RNF6: variants seen among roughly 807,000 people sequenced by gnomAD.
RNF6 encodes ring finger protein 6.
Under a neutral mutation model 50.1 loss-of-function variants are expected in RNF6, and 21 were observed. The ratio of observed to expected loss-of-function variants is 0.42; its 90% CI spans 0.30 to 0.60. The LOEUF is 0.60. Ranked by LOEUF, RNF6 falls within the 20% of genes least tolerant of loss-of-function variation. The pLI is 0.20. For missense variants in RNF6, 698 were observed against 838.2 expected, an observed-to-expected ratio of 0.83 and a Z score of 2.07; for synonymous variants, 255 against 291.8, an observed-to-expected ratio of 0.87 and a Z score of 1.29.
intron 5 of RNF6, among the ~76,000 whole-genome samples, chr13:26,169,603 T>G (rs1427592615): frequency 1.3e-5 from 2 of 152,224 alleles, no homozygotes; most frequent in African/African-American, 4.8e-5. Context: ...CTTAAGAGTC[T>G]CTTGCCGGCC....
chr13:26,219,320 G>A, intron 3 of RNF6, 137 bp downstream of exon 3: 1 of 723,248 alleles, frequency 1.4e-6, no homozygotes, highest in Non-Finnish European at 2.1e-6. Flanking sequence ...ATACTAAAAA[G>A]TTCTTAAACT....
At chr13:26,157,429 C>T (rs1871986141) in intron 5 of RNF6, among the ~76,000 whole-genome samples, 1 of 151,744 alleles carries the variant, frequency 6.6e-6, no homozygotes, top group African/African-American at 2.4e-5. Flanking sequence ...TAGAAAAGTT[C>T]TGTTAAGAAA....
At chr13:26,182,632 G>C (rs1157348263) in intron 5 of RNF6, among the ~76,000 whole-genome samples, 1 of 152,076 alleles carries the variant, frequency 6.6e-6, no homozygotes, top group African/African-American at 2.4e-5. Context: ...GAGCAACAGA[G>C]AGAAACCACA....
At chr13:26,137,267 G>T (rs1257011203) in intron 5 of RNF6, among the ~76,000 whole-genome samples, 1 of 152,012 alleles carries the variant, frequency 6.6e-6, no homozygotes, top group East Asian at 1.9e-4. Flanking sequence ...CTGAGGTGAT[G>T]GATAGCAATT....
At chr13:26,178,579 G>A (rs1198516964) in intron 5 of RNF6, among the ~76,000 whole-genome samples, 1 of 145,288 alleles carries the variant, frequency 6.9e-6, no homozygotes, top group Admixed American at 7.0e-5. Flanking sequence ...CGGACCAGGT[G>A]TCTGCCTGGT....
chr13:26,216,764 C>T (rs1394119203), intron 4 of RNF6, among the ~76,000 whole-genome samples: 1 of 152,140 alleles, frequency 6.6e-6, no homozygotes, highest in Non-Finnish European at 1.5e-5. Flanking sequence ...ACCAGCCTGA[C>T]TGACATGGTA....
In RNF6 at chr13:26,173,442, A is replaced by T. The variant is rs113390269; in HGVS notation, n.769-40991T>A. Among the ~76,000 whole-genome samples the T allele has an allele frequency of 6.8e-3, 1,040 of 152,310 alleles. 5 individuals are homozygous for T. Among genetic ancestry groups the T allele is most frequent in the African/African-American group, 0.024 (992 of 41,556 alleles). ...ACAGATCAATAGATCTCAAAAACCT[A>T]AGAGTGATGTGAAAATGATAGACAT... On this transcript the variant is annotated intron_variant and non_coding_transcript_variant, in intron 5 of 5. Transcript: ENST00000468480.
At chr13:26,149,456 A>G (rs1290540678) in intron 5 of RNF6, among the ~76,000 whole-genome samples, 1 of 151,970 alleles carries the variant, frequency 6.6e-6, no homozygotes, top group East Asian at 1.9e-4. Context: ...GCGTGGTGGC[A>G]GGCGCCTGTA....
intron 5 of RNF6, among the ~76,000 whole-genome samples, chr13:26,174,941 CTTTA>C (rs1269369966): frequency 6.6e-6 from 1 of 152,152 alleles, no homozygotes; most frequent in Non-Finnish European, 1.5e-5. Context: ...TTAATCACCT[CTTTA>C]AAGGCCCTAT....
At chr13:26,159,950 A>G (rs1417245132) in intron 5 of RNF6, among the ~76,000 whole-genome samples, 1 of 152,192 alleles carries the variant, frequency 6.6e-6, no homozygotes, top group Non-Finnish European at 1.5e-5. Context: ...TCAATTCCTT[A>G]TATTTTTAGA....
intron 5 of RNF6, among the ~76,000 whole-genome samples, chr13:26,136,602 G>T (rs1017502924): frequency 2.6e-5 from 4 of 152,196 alleles, no homozygotes; most frequent in Admixed American, 1.3e-4. Context: ...ATCGTTCACG[G>T]AAGTTTATTG....
At chr13:26,194,690 C>T (rs964553959) in intron 5 of RNF6, among the ~76,000 whole-genome samples, 7 of 152,176 alleles carry the variant, frequency 4.6e-5, no homozygotes, top group Middle Eastern at 3.4e-3. Context: ...ATCACAAGGT[C>T]CCACAATAAT....
chr13:26,217,325 T>G (rs568551361), intron 4 of RNF6, among the ~76,000 whole-genome samples: 1 of 152,362 alleles, frequency 6.6e-6, no homozygotes, highest in African/African-American at 2.4e-5. Flanking sequence ...ACTTCCTTCT[T>G]TGATTAACAT....
intron 5 of RNF6, among the ~76,000 whole-genome samples, chr13:26,190,064 T>C (rs1160398446): frequency 6.6e-6 from 1 of 152,202 alleles, no homozygotes; most frequent in Non-Finnish European, 1.5e-5. Flanking sequence ...CTGTGACCCT[T>C]AATGGAGGGT....
At chr13:26,194,633 A>G (rs1868586892) in intron 5 of RNF6, among the ~76,000 whole-genome samples, 1 of 143,090 alleles carries the variant, frequency 7.0e-6, no homozygotes, top group Non-Finnish European at 1.6e-5. Flanking sequence ...GAGGGACAGA[A>G]CTAACAGGAT....
At chr13:26,148,650 A>AC (rs1192961225) in intron 5 of RNF6, among the ~76,000 whole-genome samples, 1 of 129,084 alleles carries the variant, frequency 7.7e-6, no homozygotes, top group Non-Finnish European at 1.6e-5. Context: ...ATATATATAT[A>AC]TATATATATA....
At chr13:26,133,349 C>G (rs530637825) in intron 5 of RNF6, among the ~76,000 whole-genome samples, 37 of 152,194 alleles carry the variant, frequency 2.4e-4, no homozygotes, top group African/African-American at 7.7e-4. Context: ...TTGGTTGGCT[C>G]GGCTTGTTGA....
rs115990750 is a variant in RNF6, at chr13:26,132,305, T to C, written n.915A>G. On this transcript the variant is annotated non_coding_transcript_exon_variant, in exon 6 of 6. Coordinates refer to the RNF6 transcript ENST00000468480. The stretch of plus-strand genomic sequence containing the variant: ...TCCATAAAAGAAAAAAAACTGTTTG[T>C]GAAGAGAAAGATAATACATTTTACC... 5.0e-3 allele frequency: 1,766 copies of C among 350,846 alleles called. 22 individuals are homozygous for C. Among genetic ancestry groups the C allele is most frequent in the African/African-American group, 0.034 (1,599 of 46,622 alleles). The allele number at this position is 350,846 out of a possible 1,614,324, so 21.7% of individuals were successfully genotyped here.
Position 26,214,419 on chromosome 13 carries a change from A to G in RNF6, c.1463T>C (p.Met488Thr). ...AGAACTCAGTTCTCCAAACCCAGTCATGATCTGCCTTAAAATTGACCGAAG... is the reference window on the plus strand; with the variant it reads ...AGAACTCAGTTCTCCAAACCCAGTCGTGATCTGCCTTAAAATTGACCGAAG... Reference protein sequence around the residue: ...VALRSILRQIMTGFGELSSLM... With the variant: ...VALRSILRQITTGFGELSSLM... The change falls in exon 5 of 5, where the codon ATG (methionine) becomes ACG (threonine). Residue 488 changes from methionine to threonine, a missense_variant. By Grantham distance (81) the Met-to-Thr change is moderately conservative (BLOSUM62 -1). Transcript: ENST00000381588. 1 of 1,614,188 alleles carries G rather than the reference A, an allele frequency of 6.2e-7. No individual in the cohort carries two copies. The highest frequency in any genetic ancestry group is 8.5e-7 in the Non-Finnish European group (1 of 1,180,034).
Sources: allele counts gnomAD v4.1 joint callset (sites outside exome capture counted in the v4.1 genomes callset), GRCh38; gene constraint gnomAD v4.1.1; transcripts MANE v1.5; gene names NCBI Gene and HGNC (gene_info 2026-07-23, HGNC 2026-07-21).